Variants in CADM1 observed in about 807,000 individuals in gnomAD.
CADM1 encodes the protein cell adhesion molecule 1.
A neutral mutation model predicts 53.1 loss-of-function variants in CADM1; 15 were observed. The ratio of observed to expected loss-of-function variants is 0.28; its 90% CI spans 0.19 to 0.44. CADM1 has a LOEUF of 0.44. Among genes scored for constraint, CADM1 ranks in the 20% least tolerant of loss-of-function variants. CADM1 has a pLI of 1.00. For missense variants in CADM1, 434 were observed against 611.3 expected (o/e 0.71, Z 3.06); for synonymous variants, 281 against 243.0 (o/e 1.16, Z -1.45).
intron 1 of CADM1, among the ~76,000 whole-genome samples, chr11:115,436,446 G>A (rs557308542): frequency 9.9e-5 from 15 of 152,024 alleles, no homozygotes; most frequent in African/African-American, 3.4e-4. Context: ...ATTTTGTTTT[G>A]GGGGGACCCA....
At chr11:115,407,243 T>C (rs1480107463) in intron 1 of CADM1, among the ~76,000 whole-genome samples, 1 of 152,182 alleles carries the variant, frequency 6.6e-6, no homozygotes. Context: ...GCGGGTGCTA[T>C]TGGTTGATAA....
intron 1 of CADM1, among the ~76,000 whole-genome samples, chr11:115,452,162 G>T (rs866213377): frequency 2.1e-4 from 1 of 4,800 alleles, no homozygotes; most frequent in Non-Finnish European, 3.8e-4. Flanking sequence ...GTGGTGGGGT[G>T]GGGGGGTGGG....
At chr11:115,308,548 C>T (rs1944448779) in intron 1 of CADM1, among the ~76,000 whole-genome samples, 1 of 151,906 alleles carries the variant, frequency 6.6e-6, no homozygotes, top group Admixed American at 6.6e-5. Flanking sequence ...GGCACGTCTG[C>T]AAAACAGTAG....
In CADM1 at chr11:115,471,128, G is replaced by A. The variant is rs73581199; in HGVS notation, c.124+33143C>T. Among the ~76,000 whole-genome samples, 479 of 152,230 alleles carry A rather than the reference G, an allele frequency of 3.1e-3. 2 individuals are homozygous for A. The highest frequency in any genetic ancestry group is 0.011 in the African/African-American group (462 of 41,516). On this transcript the variant is annotated intron_variant, in intron 1 of 11. Coordinates refer to ENST00000331581, the MANE Select transcript of CADM1 (RefSeq NM_001301043.2). The stretch of plus-strand genomic sequence containing the variant: ...ATGTACATTTTCCTTTCTACTCAGG[G>A]ACATATTTGCTGTGTTGACAGTTAA...
chr11:115,501,733 T>G (rs933175336), intron 1 of CADM1, among the ~76,000 whole-genome samples: 2 of 152,046 alleles, frequency 1.3e-5, no homozygotes, highest in African/African-American at 4.8e-5. Context: ...ACAAGCCTAA[T>G]GAAGTCAGAT....
intron 1 of CADM1, among the ~76,000 whole-genome samples, chr11:115,264,074 G>A (rs1369641312): frequency 6.6e-6 from 1 of 152,164 alleles, no homozygotes; most frequent in African/African-American, 2.4e-5. Context: ...GCAGACTGCT[G>A]CCTCCACCCC....
intron 6 of CADM1, among the ~76,000 whole-genome samples, chr11:115,215,942 G>A (rs931807125): frequency 2.6e-5 from 4 of 152,164 alleles, no homozygotes; most frequent in Non-Finnish European, 4.4e-5. Context: ...TTTTCAAATG[G>A]GATGTGAAGT....
At chr11:115,340,656 A>ATTTT (rs1365807207) in intron 1 of CADM1, among the ~76,000 whole-genome samples, 23 of 52,322 alleles carry the variant, frequency 4.4e-4, no homozygotes, top group Admixed American at 1.2e-3. Context: ...ATATATATAT[A>ATTTT]TATTTTTTTT....
chr11:115,475,583 G>C (rs1289611261), intron 1 of CADM1, among the ~76,000 whole-genome samples: 7 of 152,100 alleles, frequency 4.6e-5, no homozygotes, highest in Non-Finnish European at 1.0e-4. Context: ...ATACTACTTG[G>C]CAATAAAAAG....
chr11:115,331,033 G>A (rs1945116154), intron 1 of CADM1, among the ~76,000 whole-genome samples: 1 of 152,128 alleles, frequency 6.6e-6, no homozygotes, highest in Non-Finnish European at 1.5e-5. Flanking sequence ...GCAGGTTGGG[G>A]GGCCTGGTGA....
intron 1 of CADM1, among the ~76,000 whole-genome samples, chr11:115,372,720 T>G (rs1205467603): frequency 6.6e-6 from 1 of 152,136 alleles, no homozygotes; most frequent in Admixed American, 6.6e-5. Context: ...AATTAGAAGC[T>G]AAATGTTCAG....
intron 1 of CADM1, among the ~76,000 whole-genome samples, chr11:115,387,890 C>A (rs1353603613): frequency 6.6e-6 from 1 of 151,524 alleles, no homozygotes; most frequent in Non-Finnish European, 1.5e-5. Context: ...TTTCTAATAC[C>A]TTTCTCCTCT....
intron 1 of CADM1, among the ~76,000 whole-genome samples, chr11:115,404,346 A>T (rs866665520): frequency 1.2e-3 from 40 of 33,666 alleles, no homozygotes; most frequent in African/African-American, 3.9e-3. Flanking sequence ...AAAAAAAAAA[A>T]ATATATATAT....
chr11:115,349,003 G>A (rs770205875), intron 1 of CADM1, among the ~76,000 whole-genome samples: 2 of 152,134 alleles, frequency 1.3e-5, no homozygotes, highest in African/African-American at 4.8e-5. Context: ...AGGAAACTCA[G>A]TACTAAAATT....
chr11:115,169,420 G>C lies in CADM1; in HGVS notation c.*7054C>G, dbSNP rs17118020. ...GCTGTGTTAAGAATCAAGCCATCAA[G>C]AACAGCTGTGAATGTTATACAATTT... On this transcript the variant is annotated 3_prime_UTR_variant, in exon 12 of 12. Transcript: ENST00000331581. 0.03 allele frequency: 10,878 copies of C among 360,242 alleles called. 490 individuals are homozygous for C. The highest frequency in any genetic ancestry group is 0.14 in the African/African-American group (6,565 of 46,954). The allele number at this position is 360,242 out of a possible 1,614,324, so 22.3% of individuals were successfully genotyped here. A position where few individuals can be genotyped will look rare whatever the true frequency, so the allele number is the denominator to read the frequency against.
At chr11:115,242,769 C>T (rs986032580) in intron 1 of CADM1, among the ~76,000 whole-genome samples, 4 of 152,144 alleles carry the variant, frequency 2.6e-5, no homozygotes, top group Non-Finnish European at 2.9e-5. Flanking sequence ...GGCCTGGTGA[C>T]GGGCATTAAT....
intron 1 of CADM1, among the ~76,000 whole-genome samples, chr11:115,409,067 G>C (rs1388242848): frequency 6.6e-6 from 1 of 151,938 alleles, no homozygotes; most frequent in Non-Finnish European, 1.5e-5. Flanking sequence ...ATGAAGAGAT[G>C]AACAATGAAC....
chr11:115,231,546 T>C, intron 3 of CADM1, 56 bp from the exon 4 acceptor site: 1 of 1,552,166 alleles, frequency 6.4e-7, no homozygotes, highest in Non-Finnish European at 8.9e-7. Flanking sequence ...GCATTGTTGC[T>C]ATCAAAAAGG....
At chr11:115,214,048 G>T (rs1056464897) in intron 7 of CADM1, among the ~76,000 whole-genome samples, 3 of 129,330 alleles carry the variant, frequency 2.3e-5, no homozygotes, top group African/African-American at 7.4e-5. Flanking sequence ...CCTGTAAAAT[G>T]ATATTAAAAA....
Sources: gnomAD v4.1 joint callset for allele counts (sites outside exome capture counted in the v4.1 genomes callset) on GRCh38, gnomAD v4.1.1 for gene constraint, MANE v1.5 for transcripts, NCBI Gene and HGNC (gene_info 2026-07-23, HGNC 2026-07-21) for gene names.